UGT1A7: variants seen among roughly 807,000 people sequenced by gnomAD.
UGT1A7 encodes the protein UDP glucuronosyltransferase family 1 member A7.
In UGT1A7, 33 loss-of-function variants were observed where a neutral mutation model predicts 45.6. The ratio of observed to expected loss-of-function variants is 0.72; its 90% CI spans 0.55 to 0.97. The LOEUF is 0.97. Among genes scored for constraint, UGT1A7 ranks in the 50% least tolerant of loss-of-function variants. UGT1A7 has a pLI of 0.00. For missense variants in UGT1A7, 684 were observed against 666.2 expected (o/e 1.03, Z -0.29); for synonymous variants, 274 against 250.6 (o/e 1.09, Z -0.88).
At chr2:233,701,370 C>T (rs1390957102) in intron 1 of UGT1A7, among the ~76,000 whole-genome samples, 2 of 152,150 alleles carry the variant, frequency 1.3e-5, no homozygotes, top group Non-Finnish European at 2.9e-5. Context: ...TACAAAGAGA[C>T]TTAGACTCCC....
At chr2:233,728,823 T>G (rs1575576976) in intron 1 of UGT1A7, among the ~76,000 whole-genome samples, 2 of 152,200 alleles carry the variant, frequency 1.3e-5, no homozygotes, top group East Asian at 1.9e-4. Context: ...ATGAAATGGG[T>G]GTTCACAGCC....
At chr2:233,718,852 G>T in intron 1 of UGT1A7, 2 of 1,613,718 alleles carry the variant, frequency 1.2e-6, no homozygotes, top group Non-Finnish European at 1.7e-6. Flanking sequence ...CCCCTGCCGC[G>T]GCTGGCCACA....
At position 233,688,188 on chromosome 2, in the gene UGT1A7, A is replaced by T. The variant is rs763707557; in HGVS notation, c.855+5396A>T. Among the ~76,000 whole-genome samples the T allele has an allele frequency of 2.6e-5, 4 of 152,176 alleles. No homozygotes were observed. In the South Asian group the frequency reaches 6.2e-4, roughly 24 times the overall value. On this transcript the variant is annotated intron_variant, in intron 1 of 4. Transcript: ENST00000373426. Reference sequence around the variant, plus strand: ...TTTCATGGAAATGGAAGCCTTTATGACCGGCTTCTTTCACTTAGTTTTGTG... The same window carrying T: ...TTTCATGGAAATGGAAGCCTTTATGTCCGGCTTCTTTCACTTAGTTTTGTG...
At chr2:233,764,272 G>A (rs1014540651) in intron 1 of UGT1A7, among the ~76,000 whole-genome samples, 1 of 152,062 alleles carries the variant, frequency 6.6e-6, no homozygotes, top group African/African-American at 2.4e-5. Context: ...TTCACTCTTT[G>A]GTCATTCCGG....
intron 1 of UGT1A7, among the ~76,000 whole-genome samples, chr2:233,710,808 C>A (rs1646054094): frequency 6.6e-6 from 1 of 152,170 alleles, no homozygotes; most frequent in Non-Finnish European, 1.5e-5. Flanking sequence ...CCCTCGTGCC[C>A]TATCTAAGGA....
At position 233,682,339 on chromosome 2, in the gene UGT1A7, A is replaced by G; in HGVS notation, c.402A>G (p.Val134=). 6.2e-7 allele frequency: 1 copy of G among 1,614,114 alleles called. No homozygotes were observed. Among genetic ancestry groups the G allele is most frequent in the Non-Finnish European group, 8.5e-7 (1 of 1,180,012 alleles). ...GTTTGTTTAATGACCGAAAATTAGT[A>G]GAATACTTAAAGGAGAGTTGTTTTG... ...CRSLFNDRKL[V]EYLKESCFDA... The change falls in exon 1 of 5, where the codon GTA becomes GTG. Residue 134 remains valine (V), a synonymous_variant. Coordinates refer to ENST00000373426, the MANE Select transcript of UGT1A7 (RefSeq NM_019077.3).
chr2:233,702,350 T>A (rs764503296), intron 1 of UGT1A7, among the ~76,000 whole-genome samples: 41 of 151,378 alleles, frequency 2.7e-4, no homozygotes, highest in Non-Finnish European at 4.3e-4. Flanking sequence ...GTTCTAATAG[T>A]TTTTTTTTAG....
chr2:233,760,816 T>C (rs72551342), intron 1 of UGT1A7: 3 of 1,613,644 alleles, frequency 1.9e-6, no homozygotes, highest in South Asian at 1.1e-5. Flanking sequence ...TGCACTGCCA[T>C]GCAGCCTGGA....
Position 233,769,822 on chromosome 2 carries a change from T to G in UGT1A7, c.1295+1383T>G, listed in dbSNP as rs978750106. ...ATGAGCCGTGATCATGCCACTGCAC[T>G]CCAGCAACCTGGGCAACAGAGTGAG... On this transcript the variant is annotated intron_variant, in intron 4 of 4. Coordinates refer to ENST00000373426, the MANE Select transcript of UGT1A7 (RefSeq NM_019077.3). This position sits in a 1 kb window ranked among gnomAD's most constrained non-coding sequence, Gnocchi z 4.4. 2.6e-6 allele frequency: 2 copies of G among 764,448 alleles called. No individual in the cohort carries two copies. Among genetic ancestry groups the G allele is most frequent in the Admixed American group, 3.7e-5 (1 of 26,868 alleles). The allele number at this position is 764,448 out of a possible 1,614,324, so 47.4% of individuals were successfully genotyped here.
rs538578052 is a variant in UGT1A7, at chr2:233,763,857, A to AT, written c.856-3177_856-3176insT. Among the ~76,000 whole-genome samples, 77 of 152,298 alleles carry AT rather than the reference A, an allele frequency of 5.1e-4. 2 individuals carry two copies. In the South Asian group the frequency reaches 0.016, roughly 31 times the overall value. ...AGGGTAAGATAGCAGTGGTTCACAGACAATCGCAATGCTGGGTCTGAGAAA... is the reference window on the plus strand; with the variant it reads ...AGGGTAAGATAGCAGTGGTTCACAGATCAATCGCAATGCTGGGTCTGAGAAA... On this transcript the variant is annotated intron_variant, in intron 1 of 4. Coordinates refer to ENST00000373426, the MANE Select transcript of UGT1A7 (RefSeq NM_019077.3).
At chr2:233,713,402 G>T (rs2076318296) in intron 1 of UGT1A7, 1 of 1,614,124 alleles carries the variant, frequency 6.2e-7, no homozygotes, top group Admixed American at 1.7e-5. Flanking sequence ...ATGAGGCCCT[G>T]ATCAGGCACC....
Position 233,769,514 on chromosome 2 carries a change from A to G in UGT1A7, c.1295+1075A>G. 2 of 1,612,844 alleles carry G rather than the reference A, an allele frequency of 1.2e-6. No homozygotes were observed. The highest frequency in any genetic ancestry group is 1.7e-6 in the Non-Finnish European group (2 of 1,179,856). ...ATGAGAGTGTCCATTGCTTTCTCCCATGGTTACCTCCTTTAGAAAGAAGCA... is the reference window on the plus strand; with the variant it reads ...ATGAGAGTGTCCATTGCTTTCTCCCGTGGTTACCTCCTTTAGAAAGAAGCA... On this transcript the variant is annotated intron_variant, in intron 4 of 4. Transcript: ENST00000373426. This position sits in a 1 kb window ranked among gnomAD's most constrained non-coding sequence, Gnocchi z 4.4.
intron 1 of UGT1A7, chr2:233,743,993 G>C: frequency 7.9e-7 from 1 of 1,258,672 alleles, no homozygotes; most frequent in Non-Finnish European, 1.0e-6. Context: ...GCAGGCCCGA[G>C]TGCTCGGAGA....
chr2:233,719,099 G>T, intron 1 of UGT1A7: 3 of 1,614,244 alleles, frequency 1.9e-6, no homozygotes, highest in Non-Finnish European at 2.5e-6. Flanking sequence ...ATCGCGTTAC[G>T]CTGGGCTACA....
chr2:233,691,032 C>A (rs2075025679), intron 1 of UGT1A7: 1 of 990,630 alleles, frequency 1.0e-6, no homozygotes, highest in Non-Finnish European at 1.2e-6. Flanking sequence ...AGGGCTCAGA[C>A]CAACGTCCAC....
chr2:233,746,205 C>G (rs547152411), intron 1 of UGT1A7, among the ~76,000 whole-genome samples: 7 of 151,856 alleles, frequency 4.6e-5, no homozygotes, highest in Admixed American at 2.6e-4. Flanking sequence ...TATAGCTATA[C>G]TCTAATAGCA....
chr2:233,751,561 A>T (rs1575707240), intron 1 of UGT1A7, among the ~76,000 whole-genome samples: 1 of 152,202 alleles, frequency 6.6e-6, no homozygotes, highest in African/African-American at 2.4e-5. Flanking sequence ...TCTCATCTCA[A>T]ATTGTAATCT....
At chr2:233,704,656 C>A (rs1490809215) in intron 1 of UGT1A7, among the ~76,000 whole-genome samples, 3 of 151,996 alleles carry the variant, frequency 2.0e-5, no homozygotes, top group Non-Finnish European at 2.9e-5. Flanking sequence ...ATTTTTGGTT[C>A]TTTTCCTTTG....
intron 1 of UGT1A7, chr2:233,761,233 T>C: frequency 6.2e-7 from 1 of 1,613,114 alleles, no homozygotes; most frequent in Non-Finnish European, 8.5e-7. Context: ...CCCAGATATA[T>C]GCTGAGCAAG....
Sources: gnomAD v4.1 joint callset for allele counts (sites outside exome capture counted in the v4.1 genomes callset) on GRCh38, gnomAD v4.1.1 for gene constraint, Gnocchi (gnomAD v3.1) non-coding constraint, MANE v1.5 for transcripts, NCBI Gene and HGNC (gene_info 2026-07-23, HGNC 2026-07-21) for gene names.